PTPN14: variants seen among roughly 807,000 people sequenced by gnomAD.
The protein encoded by PTPN14 is protein tyrosine phosphatase non-receptor type 14.
Under a neutral mutation model 126.8 loss-of-function variants are expected in PTPN14, and 53 were observed. That is an observed-to-expected ratio of 0.42 (90% CI 0.34 to 0.53). PTPN14 has a LOEUF of 0.53. PTPN14 is among the 20% of genes least tolerant of loss of function. PTPN14 has a pLI of 0.08. For missense variants in PTPN14, 1,257 were observed against 1,552.9 expected (o/e 0.81, Z 3.20); for synonymous variants, 630 against 599.3 (o/e 1.05, Z -0.75).
At chr1:214,366,086 G>A (rs1658073491) in intron 17 of PTPN14, among the ~76,000 whole-genome samples, 1 of 152,144 alleles carries the variant, frequency 6.6e-6, no homozygotes, top group Admixed American at 6.5e-5. Flanking sequence ...GCTGAGACAG[G>A]AGAATTGCTT....
At chr1:214,460,713 G>A (rs1226130080) in intron 2 of PTPN14, among the ~76,000 whole-genome samples, 1 of 152,012 alleles carries the variant, frequency 6.6e-6, no homozygotes, top group East Asian at 1.9e-4. Context: ...AGCACAAGCA[G>A]TTCCCCTTGC....
intron 17 of PTPN14, 80 bp downstream of exon 17, chr1:214,369,377 C>T: frequency 6.7e-6 from 9 of 1,339,844 alleles, no homozygotes; most frequent in Admixed American, 3.7e-5. Context: ...CCTCTTTTTC[C>T]ATTTCATCTC....
At chr1:214,493,903 A>G (rs959514776) in intron 1 of PTPN14, among the ~76,000 whole-genome samples, 2 of 152,206 alleles carry the variant, frequency 1.3e-5, no homozygotes, top group African/African-American at 4.8e-5. Context: ...AAAATTTAAA[A>G]AATTTAAAAA....
rs58372033 is a variant in PTPN14 at position 214,355,959 on chromosome 1, C to CTTTTTTTTTTTTTTTT, written c.*1947_*1962dup. ...TAGTTTTTCTTGACAACCTTTTTTC[C>CTTTTTTTTTTTTTTTT]TTTTTTTTTTTTTTTTTTGGAGGCA... On this transcript the variant is annotated 3_prime_UTR_variant, in exon 19 of 19. Coordinates refer to ENST00000366956, the MANE Select transcript of PTPN14 (RefSeq NM_005401.5). The CTTTTTTTTTTTTTTTT allele has an allele frequency of 2.0e-5, 2 of 101,684 alleles. No homozygotes were observed. Among genetic ancestry groups the CTTTTTTTTTTTTTTTT allele is most frequent in the South Asian group, 6.5e-4 (2 of 3,068 alleles). The allele number at this position is 101,684 out of a possible 1,614,324, so 6.3% of individuals were successfully genotyped here.
chr1:214,428,131 C>A (rs1489161816), intron 3 of PTPN14, among the ~76,000 whole-genome samples: 1 of 152,024 alleles, frequency 6.6e-6, no homozygotes, highest in Admixed American at 6.6e-5. Flanking sequence ...CTGGGAGGGG[C>A]AAGGGTGGAA....
chr1:214,491,741 G>C (rs35731772), intron 1 of PTPN14, among the ~76,000 whole-genome samples: 2 of 152,106 alleles, frequency 1.3e-5, no homozygotes, highest in Non-Finnish European at 2.9e-5. Context: ...GCAGCACTTA[G>C]AAAGCTGGAT....
chr1:214,416,394 T>C (rs1659426881), intron 3 of PTPN14, among the ~76,000 whole-genome samples: 1 of 152,082 alleles, frequency 6.6e-6, no homozygotes, highest in Non-Finnish European at 1.5e-5. Flanking sequence ...CCTTTGGGAG[T>C]TGACCAGTAA....
chr1:214,374,787 C>T (rs1571957570), intron 15 of PTPN14, among the ~76,000 whole-genome samples: 3 of 152,098 alleles, frequency 2.0e-5, no homozygotes, highest in East Asian at 1.9e-4. Context: ...TAACAATGCC[C>T]GATGGGCACA....
intron 4 of PTPN14, among the ~76,000 whole-genome samples, chr1:214,414,131 T>G (rs1054636154): frequency 6.6e-6 from 1 of 152,206 alleles, no homozygotes; most frequent in Non-Finnish European, 1.5e-5. Context: ...ATAGGATGGA[T>G]TGAAAGATAA....
chr1:214,407,362 A>G (rs922580406), intron 5 of PTPN14, among the ~76,000 whole-genome samples: 1 of 152,126 alleles, frequency 6.6e-6, no homozygotes, highest in African/African-American at 2.4e-5. Flanking sequence ...CCCCGTCTCT[A>G]CTAAAAATAC....
Position 214,530,550 on chromosome 1 carries a change from C to A in PTPN14, c.-155+20633G>T, listed in dbSNP as rs570634897. The A allele has an allele frequency of 1.2e-4, 18 of 152,102 alleles. No homozygotes were observed. In the South Asian group the frequency reaches 1.9e-3, roughly 16 times the overall value. 9.4% of individuals were successfully genotyped at this position (152,102 alleles called of 1,614,324 possible). A position where few individuals can be genotyped will look rare whatever the true frequency, so the allele number is the denominator to read the frequency against. The stretch of plus-strand genomic sequence containing the variant: ...AGAGACGGGGTTTCACCATGTTGCC[C>A]AGGCTGGTCTCGAACTCCTGGGCTC... On this transcript the variant is annotated intron_variant, in intron 1 of 18. Transcript: ENST00000366956.
chr1:214,415,053 G>A (rs973757382), intron 3 of PTPN14, among the ~76,000 whole-genome samples: 2 of 152,084 alleles, frequency 1.3e-5, no homozygotes, highest in Admixed American at 1.3e-4. Flanking sequence ...CACACCTGGA[G>A]ACCCACGACA....
At chr1:214,378,555 G>A (rs980096444) in intron 13 of PTPN14, among the ~76,000 whole-genome samples, 3 of 149,718 alleles carry the variant, frequency 2.0e-5, no homozygotes, top group Non-Finnish European at 4.5e-5. Context: ...GTTGTTGATT[G>A]AGAGATCCAC....
In PTPN14 at chr1:214,533,454, A is replaced by T. The variant is rs191381297; in HGVS notation, c.-155+17729T>A. 1.1e-5 allele frequency: 5 copies of T among 457,568 alleles called. No individual in the cohort carries two copies. The Admixed American group carries it at 1.4e-4, about 13-fold the overall frequency. The allele number at this position is 457,568 out of a possible 1,614,324, so 28.3% of individuals were successfully genotyped here. A position where few individuals can be genotyped will look rare whatever the true frequency, so the allele number is the denominator to read the frequency against. On this transcript the variant is annotated intron_variant, in intron 1 of 18. Coordinates refer to ENST00000366956, the MANE Select transcript of PTPN14 (RefSeq NM_005401.5). ...AGTGGTGTCTCAGTCCAACGACACT[A>T]AAGTTCTGAGACATTAAGCCAGCAG... is the stretch of plus-strand genomic sequence containing the variant.
chr1:214,447,613 T>C (rs1460739391), intron 3 of PTPN14, among the ~76,000 whole-genome samples: 2 of 152,104 alleles, frequency 1.3e-5, no homozygotes, highest in South Asian at 4.1e-4. Context: ...CCAGCTTAAA[T>C]CTTTTACTCA....
chr1:214,410,003 T>C (rs1659265590), intron 5 of PTPN14, among the ~76,000 whole-genome samples: 1 of 152,210 alleles, frequency 6.6e-6, no homozygotes, highest in Non-Finnish European at 1.5e-5. Flanking sequence ...TAGGGCTATT[T>C]GTTTTCTTGT....
At chr1:214,538,376 CA>C (rs1655758748) in intron 1 of PTPN14, among the ~76,000 whole-genome samples, 1 of 152,148 alleles carries the variant, frequency 6.6e-6, no homozygotes, top group African/African-American at 2.4e-5. Context: ...TCACATTTCT[CA>C]AGGATAAACT....
intron 1 of PTPN14, 94 bp from the exon 2 acceptor site, chr1:214,465,051 ACCCCG>A (rs1558115186): frequency 0.042 from 190 of 4,558 alleles, 4 homozygotes; most frequent in East Asian, 0.23. Flanking sequence ...CCCCCCCCCC[ACCCCG>A]CCAAACAGAT....
In PTPN14 at chr1:214,392,342, T is replaced by C. The variant is rs191658582; in HGVS notation, c.930-1297A>G. On this transcript the variant is annotated intron_variant, in intron 10 of 18. Coordinates refer to ENST00000366956, the MANE Select transcript of PTPN14 (RefSeq NM_005401.5). ...AGAATTGAGAAACAGAATTTCTTCT[T>C]AGTTTTCAGACTAATATGTGATGTT... 3.3e-5 allele frequency among the ~76,000 whole-genome samples: 5 copies of C among 152,292 alleles called. No individual in the cohort carries two copies. The East Asian group carries it at 9.6e-4, about 29-fold the overall frequency.
Sources: allele counts gnomAD v4.1 joint callset (sites outside exome capture counted in the v4.1 genomes callset), GRCh38; gene constraint gnomAD v4.1.1; transcripts MANE v1.5; gene names NCBI Gene and HGNC (gene_info 2026-07-23, HGNC 2026-07-21).